The following BTBD8 variants were observed in gnomAD, a reference collection of about 807,000 sequenced individuals.
BTBD8 encodes the protein BTB/POZ domain-containing protein 8.
BTBD8 carries 110 observed loss-of-function variants against 162.9 expected under a neutral mutation model. The ratio of observed to expected loss-of-function variants is 0.68; its 90% confidence interval spans 0.58 to 0.79. The LOEUF is 0.79. Among genes scored for constraint, BTBD8 ranks in the 30% least tolerant of loss-of-function variants. BTBD8 has a pLI of 0.00. For missense variants in BTBD8, 1,905 were observed against 2,085.4 expected, an observed-to-expected ratio of 0.91 and a Z score of 1.68; for synonymous variants, 667 against 716.1, an observed-to-expected ratio of 0.93 and a Z score of 1.10.
At chr1:92,084,835 C>T (rs1648113100) in intron 1 of BTBD8, among the ~76,000 whole-genome samples, 1 of 152,186 alleles carries the variant, frequency 6.6e-6, no homozygotes, top group Non-Finnish European at 1.5e-5. Context: ...CTCTTTGCCT[C>T]TTATTCATCT....
chr1:92,152,299 A>G (rs1650063544), intron 9 of BTBD8, among the ~76,000 whole-genome samples: 7 of 152,190 alleles, frequency 4.6e-5, no homozygotes, highest in Admixed American at 4.6e-4. Flanking sequence ...TTACATGTCA[A>G]ATCTTTACCA....
In BTBD8 at chr1:92,184,231, A is replaced by G; in HGVS notation, c.5280A>G (p.Pro1760=). Residue 1760 remains proline (P), a synonymous_variant, in exon 18 of 18, where the codon CCA becomes CCG. Coordinates refer to ENST00000636805, the MANE Select transcript of BTBD8 (RefSeq NM_001376131.1). ...ACAGATGGAGTGAACTAACATCTCCACTTGATTCCTCAGCGAGCATCACCA... is the reference window on the plus strand; with the variant it reads ...ACAGATGGAGTGAACTAACATCTCCGCTTGATTCCTCAGCGAGCATCACCA... ...TLNRWSELTS[P]LDSSASITMA... is the part of the protein sequence containing the mutation. The G allele has an allele frequency of 6.4e-7, 1 of 1,551,594 alleles. No individual in the cohort carries two copies. Among genetic ancestry groups the G allele is most frequent in the Non-Finnish European group, 8.7e-7 (1 of 1,146,834 alleles).
chr1:92,102,761 T>C, intron 3 of BTBD8, 92 bp downstream of exon 3: 1 of 1,198,506 alleles, frequency 8.3e-7, no homozygotes, highest in Non-Finnish European at 1.1e-6. Context: ...AAATATGCTT[T>C]ACTGATTTTT....
intron 3 of BTBD8, among the ~76,000 whole-genome samples, chr1:92,107,475 A>G (rs566154323): frequency 1.3e-5 from 2 of 152,276 alleles, no homozygotes; most frequent in South Asian, 2.1e-4. Flanking sequence ...AACACTATTC[A>G]TTGCAGTAAC....
At chr1:92,126,374 G>A (rs1649360496) in intron 4 of BTBD8, 2 of 672,444 alleles carry the variant, frequency 3.0e-6, no homozygotes, top group East Asian at 8.6e-5. Context: ...ACATTAAGCT[G>A]GACCAGCCTA....
At chr1:92,111,815 G>C (rs1358385624) in intron 4 of BTBD8, among the ~76,000 whole-genome samples, 1 of 152,160 alleles carries the variant, frequency 6.6e-6, no homozygotes, top group African/African-American at 2.4e-5. Context: ...TATGTTGCCT[G>C]TTCTAGCTTG....
At position 92,088,897 on chromosome 1, in the gene BTBD8, T is replaced by G. The variant is rs1200670223; in HGVS notation, c.347+2T>G. The stretch of plus-strand genomic sequence containing the variant: ...TTTAGAATTTAGAACGTTTTTACAG[T>G]AAGTGCTTTCTTTATCCATGTAAGT... On this transcript the variant is annotated splice_donor_variant, in intron 2 of 17. Coordinates refer to ENST00000636805, the MANE Select transcript of BTBD8 (RefSeq NM_001376131.1). LOFTEE classifies it high-confidence loss of function. The G allele has an allele frequency of 1.2e-6, 2 of 1,602,368 alleles. No individual in the cohort carries two copies. The highest frequency in any genetic ancestry group is 2.7e-5 in the African/African-American group (2 of 74,644).
chr1:92,112,556 A>G (rs1411793743), intron 4 of BTBD8, among the ~76,000 whole-genome samples: 3 of 152,352 alleles, frequency 2.0e-5, no homozygotes, highest in Non-Finnish European at 2.9e-5. Context: ...AAGTTAGAGT[A>G]AAATTATAGT....
At chr1:92,116,984 G>A (rs372100638) in intron 4 of BTBD8, among the ~76,000 whole-genome samples, 4 of 151,730 alleles carry the variant, frequency 2.6e-5, no homozygotes, top group African/African-American at 9.7e-5. Flanking sequence ...GAGTAGCTGG[G>A]ACTGCAGGCA....
chr1:92,166,542 A>G (rs1052479067), intron 9 of BTBD8, among the ~76,000 whole-genome samples: 22 of 148,934 alleles, frequency 1.5e-4, no homozygotes, highest in African/African-American at 4.2e-4. Flanking sequence ...CTCCTCCCTC[A>G]GCCTCCCGAG....
At chr1:92,157,594 C>T (rs1421244876) in intron 9 of BTBD8, among the ~76,000 whole-genome samples, 1 of 152,094 alleles carries the variant, frequency 6.6e-6, no homozygotes, top group Non-Finnish European at 1.5e-5. Flanking sequence ...GCCTCAAACT[C>T]CTGGGCTTAA....
intron 4 of BTBD8, among the ~76,000 whole-genome samples, chr1:92,120,589 A>T (rs549989017): frequency 1.3e-5 from 2 of 152,350 alleles, no homozygotes; most frequent in East Asian, 1.9e-4. Context: ...CTGGCAGCAC[A>T]GTAGGTTTAT....
Position 92,119,923 on chromosome 1 carries a change from C to CG in BTBD8, c.663-9762dup, listed in dbSNP as rs1230589283. On this transcript the variant is annotated intron_variant, in intron 4 of 17. Coordinates refer to ENST00000636805, the MANE Select transcript of BTBD8 (RefSeq NM_001376131.1). ...TTTTTTTTTTTTTTTTTTTTTGAGACGGAGTCTCACTCTATTGCCCAGGCT... is the reference window on the plus strand; with the variant it reads ...TTTTTTTTTTTTTTTTTTTTTGAGACGGGAGTCTCACTCTATTGCCCAGGCT... Among the ~76,000 whole-genome samples, 168 of 90,494 alleles carry CG rather than the reference C, an allele frequency of 1.9e-3. 2 individuals carry two copies. The highest frequency in any genetic ancestry group is 6.6e-3 in the African/African-American group (152 of 23,014). The allele number at this position is 90,494 out of a possible 152,430, so 59.4% of individuals were successfully genotyped here. A position where few individuals can be genotyped will look rare whatever the true frequency, so the allele number is the denominator to read the frequency against.
rs1650906505 is a variant in BTBD8 at position 92,181,502 on chromosome 1, G to A, written c.3819G>A (p.Gly1273=). ...KPRSEDYDAG[G]SQDDDGSNDR... is the part of the protein sequence containing the mutation. ...GATCTGAAGACTATGATGCTGGAGGGTCTCAGGATGATGATGGGTCAAATG... is the reference window on the plus strand; with the variant it reads ...GATCTGAAGACTATGATGCTGGAGGATCTCAGGATGATGATGGGTCAAATG... The change falls in exon 17 of 18, where the codon GGG becomes GGA. Residue 1273 remains glycine, a synonymous_variant. Transcript: ENST00000636805. 1.3e-6 allele frequency: 2 copies of A among 1,551,618 alleles called. No individual in the cohort carries two copies. Among genetic ancestry groups the A allele is most frequent in the Admixed American group, 2.0e-5 (1 of 50,968 alleles).
chr1:92,102,129 C>T (rs1310037823), intron 2 of BTBD8, among the ~76,000 whole-genome samples: 1 of 152,148 alleles, frequency 6.6e-6, no homozygotes, highest in African/African-American at 2.4e-5. Context: ...TCAAGTGATT[C>T]TCATGTCTTA....
chr1:92,104,720 A>T (rs1239570482), intron 3 of BTBD8, among the ~76,000 whole-genome samples: 1 of 152,026 alleles, frequency 6.6e-6, no homozygotes, highest in Non-Finnish European at 1.5e-5. Context: ...CATCTTATAA[A>T]CCTTTTTGCA....
At chr1:92,083,135 C>CA (rs142871617) in intron 1 of BTBD8, among the ~76,000 whole-genome samples, 2,112 of 93,254 alleles carry the variant, frequency 0.023, 28 homozygotes, top group African/African-American at 0.038. Flanking sequence ...GACTCTGTCT[C>CA]AAAAAAAAAA....
intron 2 of BTBD8, among the ~76,000 whole-genome samples, chr1:92,091,381 C>G (rs760038500): frequency 2.2e-4 from 34 of 152,096 alleles, no homozygotes; most frequent in Non-Finnish European, 3.8e-4. Context: ...TCAATTAAAC[C>G]TCTTTTCATT....
chr1:92,148,182 G>T (rs1194153207), intron 9 of BTBD8, among the ~76,000 whole-genome samples: 3 of 152,082 alleles, frequency 2.0e-5, no homozygotes, highest in Non-Finnish European at 4.4e-5. Context: ...GATTACATTG[G>T]ATCACTTCCA....
Sources: gnomAD v4.1 joint callset for allele counts (sites outside exome capture counted in the v4.1 genomes callset) on GRCh38, gnomAD v4.1.1 for gene constraint, MANE v1.5 for transcripts, NCBI Gene and HGNC (gene_info 2026-07-23, HGNC 2026-07-21) for gene names.